Variants in FTCDNL1 observed in about 807,000 individuals in gnomAD.
FTCDNL1 encodes formiminotransferase cyclodeaminase N-terminal like, also known as formiminotransferase N-terminal subdomain-containing protein.
A neutral mutation model predicts 5.9 loss-of-function variants in FTCDNL1; 11 were observed. The observed-to-expected ratio is 1.87, with a 90% CI of 1.18 to 3.10. The LOEUF (loss-of-function observed/expected upper bound fraction) is 3.10. FTCDNL1 is among the 30% of genes most tolerant of loss of function. The probability of loss-of-function intolerance (pLI) is 0.00; values close to 1 mark genes in which losing one functional copy is unlikely to be tolerated. For synonymous variants in FTCDNL1, 58 were observed against 24.8 expected (o/e 2.34, Z -3.99); for missense variants, 115 against 65.5 (o/e 1.76, Z -2.61).
the FTCDNL1 span, among the ~76,000 whole-genome samples, chr2:199,711,232 C>T: frequency 6.6e-6 from 1 of 151,876 alleles, no homozygotes. Flanking sequence ...AACCTGAATT[C>T]ACACCCACAG....
At chr2:199,784,616 A>C (rs1699541771) in intron 3 of FTCDNL1, among the ~76,000 whole-genome samples, 1 of 152,208 alleles carries the variant, frequency 6.6e-6, no homozygotes, top group Non-Finnish European at 1.5e-5. Context: ...TTTGCTATGA[A>C]GGCCTCAGTC....
At chr2:199,782,304 G>T (rs182816334) in intron 3 of FTCDNL1, among the ~76,000 whole-genome samples, 23 of 152,228 alleles carry the variant, frequency 1.5e-4, no homozygotes, top group African/African-American at 5.5e-4. Flanking sequence ...CTTTACTGAG[G>T]AATAATTTAC....
downstream of FTCDNL1, among the ~76,000 whole-genome samples, chr2:199,805,250 A>G (rs1266210693): frequency 6.6e-6 from 1 of 152,214 alleles, no homozygotes; most frequent in Non-Finnish European, 1.5e-5. Context: ...GGCAGAGCCT[A>G]ATAGGGAACT....
At chr2:199,679,725 C>A in the FTCDNL1 span, among the ~76,000 whole-genome samples, 2 of 149,992 alleles carry the variant, frequency 1.3e-5, no homozygotes, top group Admixed American at 1.3e-4. Flanking sequence ...TGAAACAAAA[C>A]CTTTGATTTT....
intron 3 of FTCDNL1, among the ~76,000 whole-genome samples, chr2:199,769,813 C>A (rs1183047218): frequency 6.6e-6 from 1 of 152,166 alleles, no homozygotes; most frequent in Non-Finnish European, 1.5e-5. Flanking sequence ...TCAGCCCTGG[C>A]AACACCTGTG....
In FTCDNL1 at chr2:199,812,633, T is replaced by C; in HGVS notation, c.*72A>G. 1.6e-6 allele frequency: 1 copy of C among 625,976 alleles called. No individual in the cohort carries two copies. Among genetic ancestry groups the C allele is most frequent in the East Asian group, 2.9e-5 (1 of 34,202 alleles). The allele number at this position is 625,976 out of a possible 1,614,324, so 38.8% of individuals were successfully genotyped here. ...ACTCCCGCCTCCCGCAGATTGGCAC[T>C]CAGCTGCTCTGGTGGCAGCACGGAT... On this transcript the variant is annotated 3_prime_UTR_variant, in exon 5 of 5. Transcript: ENST00000420128.
intron 2 of FTCDNL1, among the ~76,000 whole-genome samples, chr2:199,847,222 A>T (rs1468324960): frequency 6.6e-6 from 1 of 152,148 alleles, no homozygotes; most frequent in East Asian, 1.9e-4. Flanking sequence ...AGAAAAAAAA[A>T]ATACAGTTTA....
chr2:199,785,249 C>CTTTTTTTTTTTTTTTTTTTTTTT lies in FTCDNL1; in HGVS notation c.212-24415_212-24414insAAAAAAAAAAAAAAAAAAAAAAA, dbSNP rs61047289. On this transcript the variant is annotated intron_variant, in intron 3 of 3. Coordinates refer to the FTCDNL1 transcript ENST00000416668. ...AGGGTCTCTAAACTCTTCCAAATTCCTTTTTTTTTTTTTTTTGAGACAGAA... is the reference window on the plus strand; with the variant it reads ...AGGGTCTCTAAACTCTTCCAAATTCCTTTTTTTTTTTTTTTTTTTTTTTTTTTTTTTTTTTTTTTGAGACAGAA... 3.0e-4 allele frequency among the ~76,000 whole-genome samples: 23 copies of CTTTTTTTTTTTTTTTTTTTTTTT among 76,866 alleles called. 8 individuals carry two copies. Among genetic ancestry groups the CTTTTTTTTTTTTTTTTTTTTTTT allele is most frequent in the African/African-American group, 1.0e-3 (18 of 17,640 alleles). The allele number at this position is 76,866 out of a possible 152,430, so 50.4% of individuals were successfully genotyped here.
At chr2:199,771,822 T>C (rs1260679748) in intron 3 of FTCDNL1, among the ~76,000 whole-genome samples, 1 of 152,234 alleles carries the variant, frequency 6.6e-6, no homozygotes, top group Admixed American at 6.5e-5. Context: ...AATTAGAATA[T>C]ACTACTTCCC....
chr2:199,673,327 CAAAA>C, the FTCDNL1 span, among the ~76,000 whole-genome samples: 1 of 69,792 alleles, frequency 1.4e-5, no homozygotes, highest in Non-Finnish European at 2.6e-5. Context: ...GACTCTGTCT[CAAAA>C]AAAAAAAAAA....
chr2:199,723,094 T>A, the FTCDNL1 span, among the ~76,000 whole-genome samples: 1 of 152,134 alleles, frequency 6.6e-6, no homozygotes, highest in Non-Finnish European at 1.5e-5. Flanking sequence ...TAGCTATTTT[T>A]TCTGATACTC....
At chr2:199,676,563 T>C in the FTCDNL1 span, among the ~76,000 whole-genome samples, 1 of 151,782 alleles carries the variant, frequency 6.6e-6, no homozygotes, top group Non-Finnish European at 1.5e-5. Flanking sequence ...AATGTACCCC[T>C]ATATTAATAT....
intron 3 of FTCDNL1, among the ~76,000 whole-genome samples, chr2:199,763,969 G>A (rs1481602452): frequency 6.6e-6 from 1 of 152,160 alleles, no homozygotes; most frequent in South Asian, 2.1e-4. Flanking sequence ...AGCCACCTGA[G>A]TTGCTGGGAT....
intron 3 of FTCDNL1, among the ~76,000 whole-genome samples, chr2:199,798,593 T>G (rs1240651673): frequency 6.6e-6 from 1 of 152,160 alleles, no homozygotes; most frequent in East Asian, 1.9e-4. Context: ...GCATGACCCT[T>G]CTTCTCATCC....
At chr2:199,742,006 C>T in the FTCDNL1 span, among the ~76,000 whole-genome samples, 1 of 152,088 alleles carries the variant, frequency 6.6e-6, no homozygotes, top group African/African-American at 2.4e-5. Context: ...ACTTGCCTAC[C>T]GTCTCCAGCT....
intron 3 of FTCDNL1, among the ~76,000 whole-genome samples, chr2:199,836,843 TCAATCCTG>T (rs2106617174): frequency 1.3e-5 from 2 of 152,248 alleles, no homozygotes; most frequent in Admixed American, 1.3e-4. Flanking sequence ...CAACTGGGAC[TCAATCCTG>T]CTGAGATGGG....
rs573605678 is a variant in FTCDNL1 at position 199,812,788 on chromosome 2, T to G, written c.398-64A>C. The G allele has an allele frequency of 2.6e-4, 175 of 676,772 alleles. 4 individuals carry two copies. In the South Asian group the frequency reaches 2.8e-3, roughly 11 times the overall value. 41.9% of individuals were successfully genotyped at this position (676,772 alleles called of 1,614,324 possible). ...TTCCATGTGTGCTTTAATGAAAAAT[T>G]TATCATTCTAAATATTGGTGTTTAC... On this transcript the variant is annotated intron_variant, in intron 4 of 4. Transcript: ENST00000420128.
At chr2:199,675,679 C>T in the FTCDNL1 span, among the ~76,000 whole-genome samples, 2 of 152,114 alleles carry the variant, frequency 1.3e-5, no homozygotes, top group Non-Finnish European at 2.9e-5. Context: ...GCTTCTTCCT[C>T]ACGGTTCAAG....
intron 3 of FTCDNL1, among the ~76,000 whole-genome samples, chr2:199,825,972 T>C (rs1387196042): frequency 6.6e-6 from 1 of 152,180 alleles, no homozygotes; most frequent in African/African-American, 2.4e-5. Context: ...TCTGGTCACA[T>C]GTATGTGCTC....
Sources: gnomAD v4.1 joint callset for allele counts (sites outside exome capture counted in the v4.1 genomes callset) on GRCh38, gnomAD v4.1.1 for gene constraint, MANE v1.5 for transcripts, NCBI Gene and HGNC (gene_info 2026-07-23, HGNC 2026-07-21) for gene names.